The following VPS26A variants were observed in gnomAD, a reference collection of about 807,000 sequenced individuals.
The protein encoded by VPS26A is VPS26 retromer complex component A.
In VPS26A, 22 loss-of-function variants were observed where a neutral mutation model predicts 42.4. The ratio of observed to expected loss-of-function variants is 0.52; its 90% confidence interval spans 0.37 to 0.74. VPS26A has a LOEUF of 0.74. Among genes scored for constraint, VPS26A ranks in the 30% least tolerant of loss-of-function variants. The probability of loss-of-function intolerance (pLI) is 0.00; values close to 1 mark genes in which losing one functional copy is unlikely to be tolerated. For synonymous variants in VPS26A, 110 were observed against 123.5 expected (o/e 0.89, Z 0.73); for missense variants, 276 against 379.2 (o/e 0.73, Z 2.26).
intron 5 of VPS26A, chr10:69,161,954 A>T: frequency 5.3e-6 from 1 of 189,638 alleles, no homozygotes; most frequent in South Asian, 1.1e-4. Context: ...CGCCACCTCC[A>T]TGCAACTCAG....
intron 5 of VPS26A, among the ~76,000 whole-genome samples, chr10:69,159,362 CAGAG>C (rs766423096): frequency 5.5e-5 from 8 of 145,666 alleles, no homozygotes; most frequent in Non-Finnish European, 1.2e-4. Context: ...GCCTGGGTGA[CAGAG>C]GGAGACTCCA....
chr10:69,151,264 C>CAAAAA (rs1192297497), intron 2 of VPS26A, among the ~76,000 whole-genome samples: 786 of 29,790 alleles, frequency 0.026, 16 homozygotes, highest in African/African-American at 0.041. Context: ...GACTCCATGT[C>CAAAAA]AAAAAAAAAA....
At chr10:69,149,666 G>A (rs1032514473) in intron 2 of VPS26A, among the ~76,000 whole-genome samples, 4 of 148,924 alleles carry the variant, frequency 2.7e-5, no homozygotes, top group African/African-American at 1.0e-4. Flanking sequence ...CACTGTGCCT[G>A]TCCCTATTGG....
intron 2 of VPS26A, among the ~76,000 whole-genome samples, chr10:69,143,017 C>G (rs1302977057): frequency 6.6e-6 from 1 of 152,116 alleles, no homozygotes; most frequent in East Asian, 1.9e-4. Flanking sequence ...AAGTTTGTTT[C>G]AGGTAAACTT....
At chr10:69,143,053 G>A (rs1841078744) in intron 2 of VPS26A, among the ~76,000 whole-genome samples, 1 of 152,134 alleles carries the variant, frequency 6.6e-6, no homozygotes, top group Non-Finnish European at 1.5e-5. Context: ...CATATCTTTA[G>A]ATTATTAAAT....
chr10:69,142,106 A>C (rs1178082730), intron 2 of VPS26A, among the ~76,000 whole-genome samples: 1 of 150,406 alleles, frequency 6.6e-6, no homozygotes, highest in Non-Finnish European at 1.5e-5. Context: ...GATGGTCTCA[A>C]TCTCTTGACC....
intron 1 of VPS26A, among the ~76,000 whole-genome samples, chr10:69,124,913 C>T (rs1381285259): frequency 6.6e-6 from 1 of 152,208 alleles, no homozygotes; most frequent in Non-Finnish European, 1.5e-5. Context: ...GCTCTCATTT[C>T]CGTCCGCAAG....
intron 1 of VPS26A, among the ~76,000 whole-genome samples, chr10:69,127,385 C>A (rs1564670819): frequency 6.6e-6 from 1 of 151,578 alleles, no homozygotes; most frequent in African/African-American, 2.4e-5. Flanking sequence ...AACCCCGTCT[C>A]CACTAAAAAT....
chr10:69,125,566 A>C (rs1840631372), intron 1 of VPS26A, among the ~76,000 whole-genome samples: 1 of 108,722 alleles, frequency 9.2e-6, no homozygotes, highest in Non-Finnish European at 2.5e-5. Context: ...TGAAAAGAAA[A>C]CTTAAAAGGT....
chr10:69,137,680 C>G (rs965225773), intron 2 of VPS26A, among the ~76,000 whole-genome samples: 11 of 152,096 alleles, frequency 7.2e-5, no homozygotes, highest in Non-Finnish European at 1.3e-4. Context: ...GTAACCTGAT[C>G]ACAGGAGTGG....
intron 5 of VPS26A, among the ~76,000 whole-genome samples, chr10:69,159,492 G>A (rs1268175972): frequency 6.6e-6 from 1 of 152,044 alleles, no homozygotes; most frequent in Non-Finnish European, 1.5e-5. Context: ...GCATAGTACT[G>A]TTTCATTTCT....
intron 2 of VPS26A, among the ~76,000 whole-genome samples, chr10:69,154,797 C>G (rs1029148887): frequency 2.0e-5 from 3 of 152,114 alleles, no homozygotes; most frequent in African/African-American, 7.2e-5. Flanking sequence ...CCTAGGGGTT[C>G]AAAGCTGTAG....
At chr10:69,139,897 G>T (rs1239918622) in intron 2 of VPS26A, among the ~76,000 whole-genome samples, 1 of 151,638 alleles carries the variant, frequency 6.6e-6, no homozygotes, top group East Asian at 1.9e-4. Flanking sequence ...TTCATGTATT[G>T]TATCATTTTC....
chr10:69,169,840 C>T (rs1481027873), intron 8 of VPS26A, among the ~76,000 whole-genome samples: 2 of 152,060 alleles, frequency 1.3e-5, no homozygotes, highest in Non-Finnish European at 2.9e-5. Flanking sequence ...AACTCCTGAC[C>T]TCAGGTGATC....
intron 2 of VPS26A, among the ~76,000 whole-genome samples, chr10:69,144,145 G>A (rs1040873866): frequency 4.6e-5 from 7 of 152,214 alleles, no homozygotes; most frequent in African/African-American, 1.7e-4. Flanking sequence ...TGAGCAGAAA[G>A]TAGAGTTCTG....
intron 7 of VPS26A, among the ~76,000 whole-genome samples, chr10:69,167,074 C>G (rs1329351195): frequency 7.1e-6 from 1 of 141,804 alleles, no homozygotes; most frequent in Non-Finnish European, 1.5e-5. Flanking sequence ...TTGCAGTGAG[C>G]TGAGATCATG....
chr10:69,155,170 A>T (rs1453950000), intron 2 of VPS26A, among the ~76,000 whole-genome samples: 2 of 152,164 alleles, frequency 1.3e-5, no homozygotes, highest in Non-Finnish European at 2.9e-5. Context: ...ATGTAAGATA[A>T]ATCATACTTG....
chr10:69,172,285 T>TC lies in VPS26A; in HGVS notation c.*1017dup, dbSNP rs1841832403. ...GGCTAGTTAAACTCATATTGAAACT[T>TC]CATCTAGTCTCTTAATTTTTTAACA... On this transcript the variant is annotated 3_prime_UTR_variant, in exon 9 of 9. Transcript: ENST00000263559. 6.6e-6 allele frequency: 1 copy of TC among 152,196 alleles called. No individual in the cohort carries two copies. Among genetic ancestry groups the TC allele is most frequent in the South Asian group, 2.1e-4 (1 of 4,834 alleles). The allele number at this position is 152,196 out of a possible 1,614,324, so 9.4% of individuals were successfully genotyped here.
chr10:69,170,436 A>G (rs1841791134), intron 8 of VPS26A: 1 of 152,188 alleles, frequency 6.6e-6, no homozygotes, highest in African/African-American at 2.4e-5. Flanking sequence ...GGGAAAAAAA[A>G]AAGCCTATAA....
Sources: gnomAD v4.1 joint callset for allele counts (sites outside exome capture counted in the v4.1 genomes callset) on GRCh38, gnomAD v4.1.1 for gene constraint, MANE v1.5 for transcripts, NCBI Gene and HGNC (gene_info 2026-07-23, HGNC 2026-07-21) for gene names.